PIGN: variants seen among roughly 807,000 people sequenced by gnomAD.
PIGN encodes the protein GPI ethanolamine phosphate transferase 1.
Under a neutral mutation model 125.4 loss-of-function variants are expected in PIGN, and 117 were observed. That is an observed-to-expected ratio of 0.93 (90% CI 0.80 to 1.09). The LOEUF (loss-of-function observed/expected upper bound fraction) is 1.09. Ranked by LOEUF, PIGN falls within the 50% of genes least tolerant of loss-of-function variation. The probability of loss-of-function intolerance (pLI) is 0.00; values close to 1 mark genes in which losing one functional copy is unlikely to be tolerated. For missense variants in PIGN, 1,075 were observed against 1,094.9 expected (o/e 0.98, Z 0.26); for synonymous variants, 392 against 377.8 (o/e 1.04, Z -0.44).
chr18:62,099,821 A>G (rs771319662), intron 22 of PIGN, among the ~76,000 whole-genome samples: 6 of 152,180 alleles, frequency 3.9e-5, no homozygotes, highest in Admixed American at 6.5e-5. Flanking sequence ...TCAACTCAAA[A>G]TGGATTAAAG....
At chr18:62,185,520 T>G (rs1005290644) in intron 1 of PIGN, among the ~76,000 whole-genome samples, 2 of 152,224 alleles carry the variant, frequency 1.3e-5, no homozygotes, top group African/African-American at 4.8e-5. Flanking sequence ...AAGCCTACTC[T>G]TAACTGTTGG....
chr18:62,025,376 T>TC (rs1468748546), intron 23 of PIGN, among the ~76,000 whole-genome samples: 1 of 152,174 alleles, frequency 6.6e-6, no homozygotes, highest in Non-Finnish European at 1.5e-5. Context: ...GGTCTTTTTT[T>TC]CCCCACTTAG....
At chr18:62,121,580 A>AT (rs1003853683) in intron 14 of PIGN, among the ~76,000 whole-genome samples, 1 of 151,542 alleles carries the variant, frequency 6.6e-6, no homozygotes, top group African/African-American at 2.4e-5. Flanking sequence ...TTTCCTATCT[A>AT]TTTTTTTTAG....
chr18:62,121,755 T>C (rs565798152), intron 14 of PIGN, among the ~76,000 whole-genome samples: 1 of 152,290 alleles, frequency 6.6e-6, no homozygotes, highest in South Asian at 2.1e-4. Context: ...CATATTTTCT[T>C]TATCCCTTAA....
At chr18:62,149,135 A>G (rs2036440875) in intron 7 of PIGN, among the ~76,000 whole-genome samples, 1 of 152,210 alleles carries the variant, frequency 6.6e-6, no homozygotes, top group Non-Finnish European at 1.5e-5. Flanking sequence ...GAAGATGTTA[A>G]CTTTTAACAA....
intron 23 of PIGN, among the ~76,000 whole-genome samples, chr18:62,029,881 C>T (rs969600199): frequency 6.6e-6 from 1 of 152,204 alleles, no homozygotes; most frequent in African/African-American, 2.4e-5. Flanking sequence ...GTATTAGTAG[C>T]ATCCTGAAGG....
At chr18:62,133,272 A>G (rs2035807133) in intron 14 of PIGN, among the ~76,000 whole-genome samples, 2 of 152,182 alleles carry the variant, frequency 1.3e-5, no homozygotes, top group South Asian at 2.1e-4. Context: ...TAACCCCATC[A>G]TAAGTCAAGG....
rs567772966 is a variant in PIGN, at chr18:62,113,333, T to C, written c.1252-17A>G. 2.1e-5 allele frequency: 32 copies of C among 1,549,088 alleles called. No individual in the cohort carries two copies. In the South Asian group the frequency reaches 2.9e-4, roughly 14 times the overall value. On this transcript the variant is annotated splice_polypyrimidine_tract_variant and intron_variant, in intron 15 of 30. Coordinates refer to ENST00000640252, the MANE Select transcript of PIGN (RefSeq NM_176787.5). ...AAGGGAGACCTATGGAGAAAAAACA[T>C]ATATAACTTGCTAACAGAAATAATA...
rs2033262649 is a variant in PIGN, at chr18:62,078,032, C to A, written c.2577-3211G>T. Among the ~76,000 whole-genome samples, 4 of 152,168 alleles carry A rather than the reference C, an allele frequency of 2.6e-5. No individual in the cohort carries two copies. The South Asian group carries it at 8.3e-4, about 32-fold the overall frequency. ...ATTGGACTAGGGCCCACCCATATCA[C>A]CTCATTTTAGTTACCTATTGAAAGG... is the stretch of plus-strand genomic sequence containing the variant. On this transcript the variant is annotated intron_variant, in intron 28 of 30. Transcript: ENST00000640252.
At chr18:62,065,050 C>T (rs2032424322) in intron 30 of PIGN, among the ~76,000 whole-genome samples, 1 of 152,058 alleles carries the variant, frequency 6.6e-6, no homozygotes, top group African/African-American at 2.4e-5. Flanking sequence ...CGGAATAGAC[C>T]AAAGGCTGAT....
intron 14 of PIGN, among the ~76,000 whole-genome samples, chr18:62,116,424 G>T (rs1253960682): frequency 2.0e-5 from 3 of 152,096 alleles, no homozygotes; most frequent in Non-Finnish European, 1.5e-5. Context: ...GACTATTGAT[G>T]ACCCTCTGCT....
intron 7 of PIGN, among the ~76,000 whole-genome samples, chr18:62,151,786 A>C (rs2036545064): frequency 6.6e-6 from 1 of 152,196 alleles, no homozygotes; most frequent in African/African-American, 2.4e-5. Flanking sequence ...GTAAGAATTG[A>C]GGTTGCTGCA....
Position 62,148,322 on chromosome 18 carries a change from G to A in PIGN, c.566C>T (p.Ala189Val), listed in dbSNP as rs1254054694. ...FDNVKDFFHH[A>V]RNNQSLFSKI... ...AGAAAACAAAGACTGGTTGTTTCTGGCATGATGAAAGAAGTCCTACATATA... is the reference window on the plus strand; with the variant it reads ...AGAAAACAAAGACTGGTTGTTTCTGACATGATGAAAGAAGTCCTACATATA... The change falls in exon 8 of 31, where the codon GCC (alanine) becomes GTC (valine). Residue 189 changes from alanine (A) to valine (V), a missense_variant. Around this residue, in one of 3 missense-constraint regions of PIGN, gnomAD observed 915 missense variants for 908.7 expected, o/e 1.01. Coordinates refer to ENST00000640252, the MANE Select transcript of PIGN (RefSeq NM_176787.5). 2.6e-6 allele frequency: 4 copies of A among 1,516,368 alleles called. No homozygotes were observed. Among genetic ancestry groups the A allele is most frequent in the Non-Finnish European group, 3.5e-6 (4 of 1,127,572 alleles). 93.9% of individuals were successfully genotyped at this position (1,516,368 alleles called of 1,614,324 possible). A position where few individuals can be genotyped will look rare whatever the true frequency, so the allele number is the denominator to read the frequency against.
chr18:62,171,518 A>G (rs2037344316), intron 1 of PIGN, among the ~76,000 whole-genome samples: 1 of 152,212 alleles, frequency 6.6e-6, no homozygotes, highest in Admixed American at 6.5e-5. Context: ...AGAAGTGATT[A>G]CAGCAGAAAT....
intron 30 of PIGN, chr18:62,070,515 T>C: frequency 2.5e-6 from 1 of 398,398 alleles, no homozygotes; most frequent in African/African-American, 2.1e-5. Flanking sequence ...GCCTAAGAGG[T>C]ATCAACAGAG....
At chr18:62,114,679 ATTCCAAGTATATGT>A (rs1040182789) in intron 14 of PIGN, 40 bp from the exon 15 acceptor site, 4 of 949,288 alleles carry the variant, frequency 4.2e-6, no homozygotes, top group Non-Finnish European at 3.1e-6. Flanking sequence ...GGGTTTCCTC[ATTCCAAGTATATGT>A]TTCTTTTTTC....
intron 23 of PIGN, among the ~76,000 whole-genome samples, chr18:62,021,107 A>G (rs1187895045): frequency 6.6e-6 from 1 of 152,224 alleles, no homozygotes; most frequent in Non-Finnish European, 1.5e-5. Context: ...TTTTAAAAAT[A>G]AACATACACC....
At position 62,172,132 on chromosome 18, in the gene PIGN, A is replaced by C. The variant is rs182833838; in HGVS notation, c.-235-8476T>G. 8.3e-3 allele frequency among the ~76,000 whole-genome samples: 1,267 copies of C among 152,288 alleles called. 6 individuals carry two copies. The highest frequency in any genetic ancestry group is 0.014 in the Non-Finnish European group (982 of 67,972). Reference sequence around the variant, plus strand: ...ATATCCAATGTCTTCACATATATAGATACAGATAAACACATATAGATATTC... The same window carrying C: ...ATATCCAATGTCTTCACATATATAGCTACAGATAAACACATATAGATATTC... On this transcript the variant is annotated intron_variant, in intron 1 of 30. Transcript: ENST00000640252.
At chr18:62,027,973 C>T (rs2030146295) in intron 23 of PIGN, among the ~76,000 whole-genome samples, 1 of 152,066 alleles carries the variant, frequency 6.6e-6, no homozygotes, top group African/African-American at 2.4e-5. Flanking sequence ...GGTGATCAAT[C>T]CTTATTTCTA....
Sources: gnomAD v4.1 joint callset for allele counts (sites outside exome capture counted in the v4.1 genomes callset) on GRCh38, gnomAD v4.1.1 for gene constraint, gnomAD v4.1.1 regional missense constraint, MANE v1.5 for transcripts, NCBI Gene and HGNC (gene_info 2026-07-23, HGNC 2026-07-21) for gene names.